Variants in ANK3 observed in about 807,000 individuals in gnomAD.
The protein encoded by ANK3 is ankyrin 3, also known as ankyrin-3.
A neutral mutation model predicts 370.9 loss-of-function variants in ANK3; 57 were observed. That is an observed-to-expected ratio of 0.15 (90% CI 0.12 to 0.19). ANK3 has a LOEUF of 0.19. ANK3 is among the 10% of genes least tolerant of loss of function. The pLI is 1.00. For synonymous variants in ANK3, 1,929 were observed against 1,946.3 expected (o/e 0.99, Z 0.23); for missense variants, 4,439 against 5,302.1 (o/e 0.84, Z 5.06).
intron 2 of ANK3, among the ~76,000 whole-genome samples, chr10:60,562,417 C>G (rs538474022): frequency 1.3e-5 from 2 of 150,458 alleles, no homozygotes; most frequent in South Asian, 4.2e-4. Flanking sequence ...TCGGGGGGGG[C>G]ATCCGTGGGG....
At chr10:60,548,636 G>C (rs1185756195) in intron 2 of ANK3, among the ~76,000 whole-genome samples, 1 of 152,076 alleles carries the variant, frequency 6.6e-6, no homozygotes, top group Non-Finnish European at 1.5e-5. Context: ...GACTTAAGTA[G>C]TTAAATATAC....
chr10:60,373,137 A>G (rs913292650), intron 1 of ANK3, among the ~76,000 whole-genome samples: 3 of 152,222 alleles, frequency 2.0e-5, no homozygotes, highest in African/African-American at 7.2e-5. Context: ...CTAATAAAAC[A>G]ATGGTGGGCT....
At chr10:60,200,294 T>G (rs761702499) in intron 12 of ANK3, 67 bp from the exon 13 acceptor site, 1 of 1,279,868 alleles carries the variant, frequency 7.8e-7, no homozygotes, top group African/African-American at 1.5e-5. Context: ...TTATTTGGCA[T>G]AAAGCTTATG....
chr10:60,465,469 C>A (rs1351490697), intron 2 of ANK3, among the ~76,000 whole-genome samples: 1 of 152,152 alleles, frequency 6.6e-6, no homozygotes, highest in Non-Finnish European at 1.5e-5. Flanking sequence ...TAAATATAGT[C>A]CTGATCAGTC....
At chr10:60,311,474 CAAAAAAAAAAA>C (rs57897005) in intron 1 of ANK3, among the ~76,000 whole-genome samples, 1 of 125,930 alleles carries the variant, frequency 7.9e-6, no homozygotes, top group Non-Finnish European at 1.7e-5. Context: ...ATATGGAAGC[CAAAAAAAAAAA>C]AAAAAAAAAA....
rs2082264194 is a variant in ANK3 at position 60,069,357 on chromosome 10, C to T, written c.11524G>A (p.Asp3842Asn). ...TGVLQGHCVR[D>N]KQKVLGEQQK... ...TGTTCTCCAAGAACTTTCTGCTTAT[C>T]TCTTACACAGTGTCCTTGTAGTACC... is the stretch of plus-strand genomic sequence containing the variant. Residue 3842 changes from aspartate to asparagine, a missense_variant, in exon 37 of 44, where the codon GAT becomes AAT. By Grantham distance (23) the Asp-to-Asn change is conservative. Transcript: ENST00000280772. 6.2e-7 allele frequency: 1 copy of T among 1,613,896 alleles called. No homozygotes were observed. The highest frequency in any genetic ancestry group is 8.5e-7 in the Non-Finnish European group (1 of 1,180,012).
chr10:60,463,489 A>G (rs2064939223), intron 2 of ANK3, among the ~76,000 whole-genome samples: 2 of 152,122 alleles, frequency 1.3e-5, no homozygotes, highest in Non-Finnish European at 2.9e-5. Flanking sequence ...TTTGGGTAAA[A>G]TCACTCAACT....
intron 30 of ANK3, 39 bp from the exon 31 acceptor site, chr10:60,085,292 G>A (rs2132017756): frequency 6.7e-7 from 1 of 1,499,102 alleles, no homozygotes; most frequent in Non-Finnish European, 9.2e-7. Context: ...TTTATCATGG[G>A]AGATGCTCCT....
chr10:60,622,435 G>T, intron 1 of ANK3, among the ~76,000 whole-genome samples: 1 of 151,974 alleles, frequency 6.6e-6, no homozygotes, highest in East Asian at 1.9e-4. Flanking sequence ...TAGAGATGGG[G>T]TTTCATCATG....
intron 2 of ANK3, among the ~76,000 whole-genome samples, chr10:60,482,051 G>A (rs975542768): frequency 6.6e-6 from 1 of 152,112 alleles, no homozygotes; most frequent in African/African-American, 2.4e-5. Flanking sequence ...CTCCTTTTCT[G>A]TTCTTCAGTT....
At chr10:60,261,404 G>A (rs779414363) in intron 7 of ANK3, among the ~76,000 whole-genome samples, 8 of 152,214 alleles carry the variant, frequency 5.3e-5, no homozygotes, top group Non-Finnish European at 7.3e-5. Context: ...GTAGGGGACA[G>A]AAGATAAAGG....
intron 2 of ANK3, among the ~76,000 whole-genome samples, chr10:60,596,615 A>G (rs934278496): frequency 2.0e-5 from 3 of 152,212 alleles, no homozygotes; most frequent in African/African-American, 7.2e-5. Context: ...TGGTCTTAAT[A>G]TAAAGTCAAT....
chr10:60,087,150 C>A (rs554473236), intron 29 of ANK3, among the ~76,000 whole-genome samples: 23 of 152,086 alleles, frequency 1.5e-4, no homozygotes, highest in Non-Finnish European at 2.9e-4. Flanking sequence ...AGAGGGGATC[C>A]AGTCTCACGG....
chr10:60,386,714 T>C (rs1036057826), intron 1 of ANK3, among the ~76,000 whole-genome samples: 10 of 152,334 alleles, frequency 6.6e-5, no homozygotes, highest in African/African-American at 2.4e-4. Context: ...TACGATTCTG[T>C]GTCATCACAC....
intron 42 of ANK3, 78 bp from the exon 43 acceptor site, chr10:60,042,837 G>A: frequency 3.1e-6 from 5 of 1,591,710 alleles, no homozygotes; most frequent in Non-Finnish European, 4.3e-6. Context: ...GATCCTTGGA[G>A]GCTGGATTAG....
intron 8 of ANK3, among the ~76,000 whole-genome samples, chr10:60,226,356 C>G (rs1592042658): frequency 1.9e-4 from 4 of 21,422 alleles, no homozygotes; most frequent in East Asian, 9.3e-3. Context: ...ATATGTAATA[C>G]TATATAATAT....
At chr10:60,439,274 G>A (rs1315075420) in intron 2 of ANK3, among the ~76,000 whole-genome samples, 3 of 152,122 alleles carry the variant, frequency 2.0e-5, no homozygotes, top group Non-Finnish European at 4.4e-5. Context: ...TCTGTGAACT[G>A]CTAGAGAAGG....
chr10:60,631,496 T>C lies in ANK3; in HGVS notation c.58-16272A>G, dbSNP rs1271881887. Among the ~76,000 whole-genome samples the C allele has an allele frequency of 3.9e-5, 6 of 152,076 alleles. No individual in the cohort carries two copies. In the East Asian group the frequency reaches 1.2e-3, roughly 30 times the overall value. On this transcript the variant is annotated intron_variant, in intron 1 of 43. Transcript: ENST00000373827. The stretch of plus-strand genomic sequence containing the variant: ...GCAGTAATCCAAGATTGCACCACTG[T>C]ACCCCAGCCTGGTGACAGAGTGATA...
intron 1 of ANK3, among the ~76,000 whole-genome samples, chr10:60,647,374 CAA>C (rs1361072782): frequency 2.0e-5 from 3 of 152,172 alleles, no homozygotes; most frequent in African/African-American, 7.2e-5. Flanking sequence ...ATGTCCTCAG[CAA>C]AGTTTTATTT....
Sources: gnomAD v4.1 joint callset for allele counts (sites outside exome capture counted in the v4.1 genomes callset) on GRCh38, gnomAD v4.1.1 for gene constraint, MANE v1.5 for transcripts, NCBI Gene and HGNC (gene_info 2026-07-23, HGNC 2026-07-21) for gene names.